DHX30: variants seen among roughly 807,000 people sequenced by gnomAD.
DHX30 encodes ATP-dependent RNA helicase DHX30.
DHX30 carries 4 observed loss-of-function variants against 116.9 expected under a neutral mutation model. The observed-to-expected ratio is 0.03, with a 90% CI of 0.02 to 0.08. DHX30 has a LOEUF of 0.08. DHX30 is among the 10% of genes least tolerant of loss of function. The pLI, the probability that DHX30 is intolerant of heterozygous loss-of-function variation, is 1.00. For missense variants in DHX30, 871 were observed against 1,595.1 expected, an observed-to-expected ratio of 0.55 and a Z score of 7.73; for synonymous variants, 697 against 651.7, an observed-to-expected ratio of 1.07 and a Z score of -1.06.
chr3:47,833,565 G>A (rs947644243), intron 6 of DHX30, among the ~76,000 whole-genome samples: 34 of 142,484 alleles, frequency 2.4e-4, no homozygotes, highest in Non-Finnish European at 3.2e-4. Context: ...AAAAGAAAGA[G>A]CACCTAAAAT....
At chr3:47,832,981 C>T (rs1432182088) in intron 6 of DHX30, among the ~76,000 whole-genome samples, 3 of 143,220 alleles carry the variant, frequency 2.1e-5, no homozygotes, top group East Asian at 2.0e-4. Flanking sequence ...GATGGTGTCC[C>T]GCTATGTTGT....
chr3:47,846,974 G>A lies in DHX30; in HGVS notation c.1902G>A (p.Gln634=). 1 of 1,612,700 alleles carries A rather than the reference G, an allele frequency of 6.2e-7. No homozygotes were observed. The highest frequency in any genetic ancestry group is 1.3e-5 in the African/African-American group (1 of 75,064). The stretch of plus-strand genomic sequence containing the variant: ...TCCTGGCCAAGTTGGGCAAGCACCA[G>A]TACCTGCACCGGCACCGGCACCATG... ...EDILAKLGKH[Q]YLHRHRHHES... is the part of the protein sequence containing the mutation. Residue 634 remains glutamine, a synonymous_variant, in exon 11 of 22, where the codon CAG becomes CAA. Coordinates refer to ENST00000445061, the MANE Select transcript of DHX30 (RefSeq NM_138615.3).
chr3:47,813,782 C>T (rs2035907171), intron 3 of DHX30, among the ~76,000 whole-genome samples: 1 of 151,912 alleles, frequency 6.6e-6, no homozygotes. Flanking sequence ...AGAAGGAGGG[C>T]TGGACGTACT....
chr3:47,806,757 T>G (rs937985308), intron 2 of DHX30, among the ~76,000 whole-genome samples: 1 of 151,654 alleles, frequency 6.6e-6, no homozygotes, highest in African/African-American at 2.4e-5. Flanking sequence ...GCCTGGCCAA[T>G]TTTTTTTGTA....
At position 47,827,350 on chromosome 3, in the gene DHX30, C is replaced by T. The variant is rs1471596832; in HGVS notation, c.128C>T (p.Ser43Phe). ...PTPGGTISRA[S>F]RDLLKEFPQP... ...GCTTTTGTTCTTATTTTCTTAGCTT[C>T]TAGGGACCTATTAAAAGAGTTCCCA... Residue 43 changes from serine to phenylalanine, a missense_variant, in exon 5 of 22, where the codon TCT becomes TTT. Ser to Phe is a radical substitution (Grantham distance 155). This residue lies in a region of DHX30 where 66 missense variants were observed against 153.9 expected (regional missense o/e 0.43). Transcript: ENST00000445061. 2 of 1,607,580 alleles carry T rather than the reference C, an allele frequency of 1.2e-6. No individual in the cohort carries two copies. The highest frequency in any genetic ancestry group is 1.7e-6 in the Non-Finnish European group (2 of 1,178,344).
chr3:47,834,180 T>G (rs2036998806), intron 6 of DHX30, among the ~76,000 whole-genome samples: 1 of 152,156 alleles, frequency 6.6e-6, no homozygotes, highest in African/African-American at 2.4e-5. Context: ...CTTGGCTCAC[T>G]GCAACCTCCG....
intron 6 of DHX30, among the ~76,000 whole-genome samples, chr3:47,833,765 G>A (rs58621748): frequency 6.6e-6 from 1 of 151,856 alleles, no homozygotes; most frequent in East Asian, 1.9e-4. Context: ...GGCTGAGGCA[G>A]GAGAATCGGT....
chr3:47,811,436 G>A (rs1180468335), intron 3 of DHX30, among the ~76,000 whole-genome samples: 1 of 152,038 alleles, frequency 6.6e-6, no homozygotes, highest in African/African-American at 2.4e-5. Context: ...TGTAGCCAGG[G>A]CCTGTTGTGT....
At chr3:47,813,772 A>C (rs768418153) in intron 3 of DHX30, among the ~76,000 whole-genome samples, 2 of 152,148 alleles carry the variant, frequency 1.3e-5, no homozygotes, top group African/African-American at 2.4e-5. Context: ...GAATGGGGCC[A>C]GAAGGAGGGC....
Position 47,848,395 on chromosome 3 carries a change from G to C in DHX30, c.2493+9G>C. On this transcript the variant is annotated intron_variant, in intron 15 of 21. Transcript: ENST00000445061. This position sits in a 1 kb window ranked among gnomAD's most constrained non-coding sequence, Gnocchi z 9.4. ...ACATGCCTGAGAAGACGGTGCGGCG[G>C]GGCGGGGCAGGGGCTGGCCTGGGGA... 6.2e-7 allele frequency: 1 copy of C among 1,613,966 alleles called. No homozygotes were observed.
intron 3 of DHX30, among the ~76,000 whole-genome samples, chr3:47,813,268 A>AG (rs2035884074): frequency 6.6e-6 from 1 of 152,088 alleles, no homozygotes; most frequent in Admixed American, 6.6e-5. Flanking sequence ...GTGTGAACCC[A>AG]GGGGGCGGAG....
chr3:47,819,065 C>T (rs1342292933), intron 4 of DHX30, among the ~76,000 whole-genome samples: 1 of 152,196 alleles, frequency 6.6e-6, no homozygotes, highest in East Asian at 1.9e-4. Context: ...GCAGTTTTCA[C>T]ACTCCTGCTG....
intron 6 of DHX30, among the ~76,000 whole-genome samples, chr3:47,836,962 A>T (rs932355845): frequency 5.3e-5 from 8 of 152,186 alleles, no homozygotes; most frequent in South Asian, 2.1e-4. Flanking sequence ...TTTCCCCCCA[A>T]ATCAGATGTC....
At chr3:47,821,936 T>A (rs1013353000) in intron 4 of DHX30, among the ~76,000 whole-genome samples, 1 of 152,226 alleles carries the variant, frequency 6.6e-6, no homozygotes, top group Admixed American at 6.5e-5. Flanking sequence ...TAATCTTTTT[T>A]TTGTAATCAT....
chr3:47,828,635 G>C (rs1013838119), intron 5 of DHX30, among the ~76,000 whole-genome samples: 2 of 152,016 alleles, frequency 1.3e-5, no homozygotes, highest in African/African-American at 4.8e-5. Context: ...GCTGGGCGTG[G>C]TGGTGGGCAC....
intron 3 of DHX30, among the ~76,000 whole-genome samples, chr3:47,812,964 T>C (rs933353238): frequency 6.7e-6 from 1 of 148,372 alleles, no homozygotes; most frequent in Admixed American, 6.7e-5. Context: ...CAGCAGGAGA[T>C]TACATTTCAA....
chr3:47,831,924 C>CTTTTTTTTTTTTTTTTTTTTT (rs1448275730), intron 6 of DHX30, among the ~76,000 whole-genome samples: 1 of 120,380 alleles, frequency 8.3e-6, no homozygotes, highest in Non-Finnish European at 1.7e-5. Flanking sequence ...AGGCCTTTTC[C>CTTTTTTTTTTTTTTTTTTTTT]TTTTTCTTTT....
At chr3:47,839,904 A>C (rs2037291469) in intron 6 of DHX30, among the ~76,000 whole-genome samples, 1 of 151,542 alleles carries the variant, frequency 6.6e-6, no homozygotes, top group Non-Finnish European at 1.5e-5. Context: ...CCAACTCCTG[A>C]CCTCGAGTAG....
chr3:47,809,195 A>G (rs1215212834), intron 2 of DHX30, among the ~76,000 whole-genome samples: 1 of 100,876 alleles, frequency 9.9e-6, no homozygotes, highest in South Asian at 3.1e-4. Flanking sequence ...CACACTTTTT[A>G]TTTTCATTTG....
Sources: allele counts gnomAD v4.1 joint callset (sites outside exome capture counted in the v4.1 genomes callset), GRCh38; gene constraint gnomAD v4.1.1; regional missense constraint gnomAD v4.1.1; non-coding constraint Gnocchi (gnomAD v3.1); transcripts MANE v1.5; gene names NCBI Gene and HGNC (gene_info 2026-07-23, HGNC 2026-07-21).